POGZ: variants seen among roughly 807,000 people sequenced by gnomAD.
POGZ encodes pogo transposable element with ZNF domain.
POGZ carries 17 observed loss-of-function variants against 134.6 expected under a neutral mutation model. The observed-to-expected ratio is 0.13, with a 90% confidence interval of 0.09 to 0.19. The LOEUF is 0.19. Among genes scored for constraint, POGZ ranks in the 10% least tolerant of loss-of-function variants. The pLI, the probability that POGZ is intolerant of heterozygous loss-of-function variation, is 1.00. For synonymous variants in POGZ, 693 were observed against 657.1 expected, an observed-to-expected ratio of 1.05 and a Z score of -0.84; for missense variants, 1,306 against 1,769.7, an observed-to-expected ratio of 0.74 and a Z score of 4.70.
Position 151,428,361 on chromosome 1 carries a change from G to A in POGZ, c.621C>T (p.Ser207=). 1 of 1,613,676 alleles carries A rather than the reference G, an allele frequency of 6.2e-7. No individual in the cohort carries two copies. The highest frequency in any genetic ancestry group is 8.5e-7 in the Non-Finnish European group (1 of 1,179,590). ...KPTVGVPQVF[S]QMTPVRPGST... Reference sequence around the variant, plus strand: ...AGCCTGGCCTCACAGGGGTCATCTGGGAGAACACTTGTGGAACTCCAACTG... The same window carrying A: ...AGCCTGGCCTCACAGGGGTCATCTGAGAGAACACTTGTGGAACTCCAACTG... The change falls in exon 6 of 19, where the codon TCC becomes TCT. Residue 207 remains serine, a synonymous_variant. Coordinates refer to ENST00000271715, the MANE Select transcript of POGZ (RefSeq NM_015100.4).
In POGZ at chr1:151,413,687, A is replaced by ATTT. The variant is rs535432024; in HGVS notation, c.1679-1294_1679-1292dup. Among the ~76,000 whole-genome samples the ATTT allele has an allele frequency of 3.2e-4, 46 of 145,410 alleles. No individual in the cohort carries two copies. In the East Asian group the frequency reaches 9.3e-3, roughly 29 times the overall value. ...TTTTTTTAACTACCGAGAACCCTGG[A>ATTT]TTTTTGTTTTGAGACAGAGTCTCGT... On this transcript the variant is annotated intron_variant, in intron 10 of 18. Transcript: ENST00000271715.
intron 1 of POGZ, among the ~76,000 whole-genome samples, chr1:151,455,509 AATT>A (rs1046892266): frequency 1.3e-5 from 2 of 152,248 alleles, no homozygotes; most frequent in African/African-American, 4.8e-5. Flanking sequence ...TGACTCTTAA[AATT>A]ATTGAAGACG....
At chr1:151,429,773 G>C (rs1658392057) in intron 4 of POGZ, 62 bp from the exon 5 acceptor site, 2 of 901,672 alleles carry the variant, frequency 2.2e-6, no homozygotes, top group East Asian at 2.5e-5. Flanking sequence ...AAAGATTGCA[G>C]TATGACCTAC....
chr1:151,432,188 C>G (rs1458232969), intron 3 of POGZ, among the ~76,000 whole-genome samples: 1 of 151,966 alleles, frequency 6.6e-6, no homozygotes, highest in East Asian at 1.9e-4. Flanking sequence ...ACAACAGCAA[C>G]AACAACAAGA....
At position 151,424,201 on chromosome 1, in the gene POGZ, G is replaced by A. The variant is rs755145865; in HGVS notation, c.1271C>T (p.Pro424Leu). 1 of 1,613,930 alleles carries A rather than the reference G, an allele frequency of 6.2e-7. No homozygotes were observed. Among genetic ancestry groups the A allele is most frequent in the Non-Finnish European group, 8.5e-7 (1 of 1,179,824 alleles). Residue 424 changes from proline to leucine, a missense_variant, in exon 9 of 19, where the codon CCA becomes CTA. Physicochemically the swap from Pro to Leu is moderately conservative, Grantham distance 98. Around this residue, in one of 10 missense-constraint regions of POGZ, gnomAD observed 541 missense variants for 680.5 expected, o/e 0.80. Coordinates refer to ENST00000271715, the MANE Select transcript of POGZ (RefSeq NM_015100.4). ...EPSVPSAAKP[P>L]SPEKTAPVAS... ...AACAGGAGCTGTTTTCTCAGGGGATGGGGGCTTTGCTGCTGATGGGACACT... is the reference window on the plus strand; with the variant it reads ...AACAGGAGCTGTTTTCTCAGGGGATAGGGGCTTTGCTGCTGATGGGACACT...
At chr1:151,422,987 T>C (rs1657192569) in intron 10 of POGZ, among the ~76,000 whole-genome samples, 1 of 152,226 alleles carries the variant, frequency 6.6e-6, no homozygotes, top group Non-Finnish European at 1.5e-5. Flanking sequence ...CATCTTATAT[T>C]TCATTGAAAG....
intron 5 of POGZ, 81 bp downstream of exon 5, chr1:151,429,522 A>C (rs954902461): frequency 4.5e-6 from 3 of 660,804 alleles, no homozygotes; most frequent in Non-Finnish European, 8.0e-6. Context: ...GTACTTACTA[A>C]ATGACTTAGG....
At position 151,428,154 on chromosome 1, in the gene POGZ, G is replaced by A. The variant is rs747383192; in HGVS notation, c.828C>T (p.Gly276=). The A allele has an allele frequency of 1.2e-6, 2 of 1,614,166 alleles. No homozygotes were observed. Among genetic ancestry groups the A allele is most frequent in the Non-Finnish European group, 1.7e-6 (2 of 1,180,032 alleles). Residue 276 remains glycine (G), a synonymous_variant, in exon 6 of 19, where the codon GGC becomes GGT. Transcript: ENST00000271715. ...TGGGATTCGTGGTCTGGTTTGACTG[G>A]CCTGGAGACTGAACAGCTAGTTGCC... ...SLGQLAVQSP[G]QSNQTTNPKL...
At chr1:151,451,499 T>G (rs1662074154) in intron 1 of POGZ, among the ~76,000 whole-genome samples, 1 of 151,620 alleles carries the variant, frequency 6.6e-6, no homozygotes, top group African/African-American at 2.4e-5. Flanking sequence ...GCTCATTTTG[T>G]ACTTTTAGTA....
chr1:151,409,917 A>G (rs183384897), intron 12 of POGZ, among the ~76,000 whole-genome samples: 1 of 152,346 alleles, frequency 6.6e-6, no homozygotes, highest in East Asian at 1.9e-4. Context: ...TAGTAGGATA[A>G]CAAAGCTCTG....
intron 1 of POGZ, among the ~76,000 whole-genome samples, chr1:151,451,555 AC>A (rs1662085822): frequency 6.6e-6 from 1 of 150,974 alleles, no homozygotes; most frequent in Admixed American, 6.7e-5. Context: ...TCAACTCCTG[AC>A]CTCAGGTGAT....
intron 15 of POGZ, 65 bp downstream of exon 15, chr1:151,408,030 AAGAAG>A (rs767557777): frequency 5.9e-4 from 14 of 23,822 alleles, no homozygotes; most frequent in East Asian, 6.3e-3. Flanking sequence ...AAAAAAAAAA[AAGAAG>A]AAGAAGAAGA....
At chr1:151,438,193 A>T (rs1380345185) in intron 3 of POGZ, among the ~76,000 whole-genome samples, 1 of 152,138 alleles carries the variant, frequency 6.6e-6, no homozygotes, top group African/African-American at 2.4e-5. Flanking sequence ...CCTGAGTGAC[A>T]GAGGGAGACT....
chr1:151,417,686 G>A (rs13376297), intron 10 of POGZ, among the ~76,000 whole-genome samples: 3,294 of 109,046 alleles, frequency 0.03, 126 homozygotes, highest in African/African-American at 0.11. Context: ...AAGGTACTGT[G>A]GCCACACACA....
intron 3 of POGZ, among the ~76,000 whole-genome samples, chr1:151,432,266 G>A (rs1264758145): frequency 1.3e-5 from 2 of 152,140 alleles, no homozygotes; most frequent in Non-Finnish European, 2.9e-5. Context: ...AGAATGGGAT[G>A]GGCCCCTCTG....
intron 3 of POGZ, among the ~76,000 whole-genome samples, chr1:151,440,429 AT>A (rs1660346255): frequency 6.6e-6 from 1 of 152,144 alleles, no homozygotes; most frequent in Admixed American, 6.5e-5. Context: ...TAGCCTTTCT[AT>A]TAAAAAAAAT....
Position 151,417,729 on chromosome 1 carries a change from CAA to C in POGZ, c.1679-5335_1679-5334del, listed in dbSNP as rs201235565. ...ACACACACACACACACACACACACACAAAAGGCCTTATTTTTTAGAGCTACAT... is the reference window on the plus strand; with the variant it reads ...ACACACACACACACACACACACACACAAGGCCTTATTTTTTAGAGCTACAT... On this transcript the variant is annotated intron_variant, in intron 10 of 18. Coordinates refer to ENST00000271715, the MANE Select transcript of POGZ (RefSeq NM_015100.4). Among the ~76,000 whole-genome samples the C allele has an allele frequency of 7.0e-3, 843 of 120,790 alleles. 7 individuals are homozygous for C. Among genetic ancestry groups the C allele is most frequent in the African/African-American group, 0.028 (777 of 27,882 alleles). 79.2% of individuals were successfully genotyped at this position (120,790 alleles called of 152,430 possible).
chr1:151,432,846 G>A (rs1658923159), intron 3 of POGZ, among the ~76,000 whole-genome samples: 1 of 152,096 alleles, frequency 6.6e-6, no homozygotes, highest in Non-Finnish European at 1.5e-5. Context: ...CAAATACCCA[G>A]TCAAAATTCA....
chr1:151,439,482 A>G (rs995575467), intron 3 of POGZ, among the ~76,000 whole-genome samples: 1 of 152,192 alleles, frequency 6.6e-6, no homozygotes, highest in African/African-American at 2.4e-5. Flanking sequence ...AGAGCAACCT[A>G]TTAGGACAAC....
Sources: gnomAD v4.1 joint callset for allele counts (sites outside exome capture counted in the v4.1 genomes callset) on GRCh38, gnomAD v4.1.1 for gene constraint, gnomAD v4.1.1 regional missense constraint, MANE v1.5 for transcripts, NCBI Gene and HGNC (gene_info 2026-07-23, HGNC 2026-07-21) for gene names.